SUCLG2: variants seen among roughly 807,000 people sequenced by gnomAD.
The protein encoded by SUCLG2 is succinate--CoA ligase [GDP-forming] subunit beta, mitochondrial.
In SUCLG2, 42 loss-of-function variants were observed where a neutral mutation model predicts 47.9. The ratio of observed to expected loss-of-function variants is 0.88; its 90% CI spans 0.69 to 1.14. The LOEUF (loss-of-function observed/expected upper bound fraction) is 1.14. SUCLG2 is among the 50% of genes most tolerant of loss of function. SUCLG2 has a pLI of 0.00. For synonymous variants in SUCLG2, 195 were observed against 197.3 expected, an observed-to-expected ratio of 0.99 and a Z score of 0.10; for missense variants, 571 against 525.9, an observed-to-expected ratio of 1.09 and a Z score of -0.84.
At chr3:67,538,333 C>T (rs1706603369) in intron 2 of SUCLG2, among the ~76,000 whole-genome samples, 2 of 152,156 alleles carry the variant, frequency 1.3e-5, no homozygotes, top group South Asian at 2.1e-4. Flanking sequence ...GGAATTCTTT[C>T]CCCATTGTTT....
intron 1 of SUCLG2, among the ~76,000 whole-genome samples, chr3:67,619,705 C>A (rs1357684153): frequency 6.6e-6 from 1 of 152,058 alleles, no homozygotes; most frequent in Non-Finnish European, 1.5e-5. Flanking sequence ...TTTTAAGGAG[C>A]AAAGAAATGT....
intron 9 of SUCLG2, among the ~76,000 whole-genome samples, chr3:67,477,880 A>AAAAAAT (rs751512695): frequency 6.6e-6 from 1 of 152,228 alleles, no homozygotes; most frequent in Non-Finnish European, 1.5e-5. Context: ...ATCTACAGTG[A>AAAAAAT]AAAAATAAAA....
At chr3:67,424,486 C>G (rs1365328937) in intron 9 of SUCLG2, among the ~76,000 whole-genome samples, 1 of 152,128 alleles carries the variant, frequency 6.6e-6, no homozygotes, top group African/African-American at 2.4e-5. Flanking sequence ...AGTGGTAATA[C>G]AGGGATGTGT....
chr3:67,545,320 G>C (rs1706835895), intron 2 of SUCLG2, among the ~76,000 whole-genome samples: 1 of 152,162 alleles, frequency 6.6e-6, no homozygotes, highest in South Asian at 2.1e-4. Flanking sequence ...AGTGGTCAAT[G>C]ACATGCTGGA....
At chr3:67,578,234 A>AC (rs1402261729) in intron 2 of SUCLG2, among the ~76,000 whole-genome samples, 1 of 147,048 alleles carries the variant, frequency 6.8e-6, no homozygotes, top group Admixed American at 6.8e-5. Context: ...ATATATAAAA[A>AC]ATTTTACATA....
chr3:67,465,139 T>C (rs1392901036), intron 9 of SUCLG2, among the ~76,000 whole-genome samples: 1 of 152,174 alleles, frequency 6.6e-6, no homozygotes, highest in Non-Finnish European at 1.5e-5. Context: ...CTAATACCAT[T>C]AGTCTCCAAC....
intron 2 of SUCLG2, among the ~76,000 whole-genome samples, chr3:67,579,660 C>A (rs1027925447): frequency 4.6e-5 from 7 of 152,310 alleles, no homozygotes; most frequent in African/African-American, 1.7e-4. Context: ...AAGCTGGGCA[C>A]TAACGTCCTT....
At chr3:67,479,806 A>G (rs1229717224) in intron 9 of SUCLG2, among the ~76,000 whole-genome samples, 2 of 152,206 alleles carry the variant, frequency 1.3e-5, no homozygotes, top group Non-Finnish European at 2.9e-5. Flanking sequence ...AAATTACACA[A>G]CTTGATGTAG....
intron 10 of SUCLG2, among the ~76,000 whole-genome samples, chr3:67,362,607 C>G (rs1004352081): frequency 6.6e-6 from 1 of 152,178 alleles, no homozygotes. Flanking sequence ...TGGGTCGCCA[C>G]TGTATCCTAA....
At chr3:67,489,163 T>C (rs1705140045) in intron 9 of SUCLG2, among the ~76,000 whole-genome samples, 2 of 152,180 alleles carry the variant, frequency 1.3e-5, no homozygotes, top group African/African-American at 4.8e-5. Context: ...AGGACCCACT[T>C]ATTACTGAGA....
chr3:67,529,694 A>C (rs1373524950), intron 2 of SUCLG2, among the ~76,000 whole-genome samples: 2 of 152,216 alleles, frequency 1.3e-5, no homozygotes, highest in Non-Finnish European at 2.9e-5. Flanking sequence ...GTTGTTCTAT[A>C]TACTGATAGG....
chr3:67,400,730 C>T lies in SUCLG2; in HGVS notation c.1183+1G>A, dbSNP rs1702663461. The T allele has an allele frequency of 1.9e-6, 3 of 1,611,648 alleles. No individual in the cohort carries two copies. The highest frequency in any genetic ancestry group is 2.5e-6 in the Non-Finnish European group (3 of 1,179,902). On this transcript the variant is annotated splice_donor_variant, in intron 10 of 10. Transcript: ENST00000307227. LOFTEE classifies it high-confidence loss of function. ...CACAGCGGAAATCTACCATGACTCA[C>T]CTTCAAGCCGGACCACCAGGGGCAC...
chr3:67,615,474 T>C (rs944769801), intron 1 of SUCLG2, among the ~76,000 whole-genome samples: 5 of 152,120 alleles, frequency 3.3e-5, no homozygotes, highest in African/African-American at 9.7e-5. Flanking sequence ...TGCACACTAG[T>C]ACTGCTCACT....
intron 7 of SUCLG2, among the ~76,000 whole-genome samples, chr3:67,504,400 G>C (rs1038499825): frequency 2.6e-5 from 4 of 152,186 alleles, no homozygotes; most frequent in African/African-American, 9.7e-5. Flanking sequence ...TCAATCCGAA[G>C]AAAGAAAGGA....
intron 9 of SUCLG2, among the ~76,000 whole-genome samples, chr3:67,454,688 C>T (rs1230667565): frequency 5.9e-5 from 9 of 152,070 alleles, no homozygotes; most frequent in Non-Finnish European, 8.8e-5. Context: ...ATGGGCCGGG[C>T]GTGGTGGCTC....
chr3:67,489,987 G>C (rs979134066), intron 9 of SUCLG2, among the ~76,000 whole-genome samples: 2 of 152,104 alleles, frequency 1.3e-5, no homozygotes, highest in African/African-American at 4.8e-5. Context: ...ACCAAATAAG[G>C]CAACAGTATA....
At chr3:67,446,753 A>G (rs1275361006) in intron 9 of SUCLG2, among the ~76,000 whole-genome samples, 1 of 152,070 alleles carries the variant, frequency 6.6e-6, no homozygotes, top group Non-Finnish European at 1.5e-5. Context: ...TTTTTAGGCA[A>G]AACAATGCCA....
At chr3:67,373,957 T>A (rs1340631578), downstream of SUCLG2, among the ~76,000 whole-genome samples, 2 of 152,336 alleles carry the variant, frequency 1.3e-5, no homozygotes, top group East Asian at 3.9e-4. Flanking sequence ...TCCTTGTTAT[T>A]AACCCTTTTA....
chr3:67,612,659 C>A (rs745397624), intron 1 of SUCLG2, among the ~76,000 whole-genome samples: 1 of 152,108 alleles, frequency 6.6e-6, no homozygotes, highest in African/African-American at 2.4e-5. Flanking sequence ...CAAGAAATAT[C>A]CTCGGTCTTC....
Sources: gnomAD v4.1 joint callset for allele counts (sites outside exome capture counted in the v4.1 genomes callset) on GRCh38, gnomAD v4.1.1 for gene constraint, MANE v1.5 for transcripts, NCBI Gene and HGNC (gene_info 2026-07-23, HGNC 2026-07-21) for gene names.